Variants in PCED1B observed in about 807,000 individuals in gnomAD.
PCED1B encodes PC-esterase domain-containing protein 1B.
For missense variants in PCED1B, 573 were observed against 573.9 expected (o/e 1.00, Z 0.02); for synonymous variants, 251 against 246.1 (o/e 1.02, Z -0.19).
chr12:47,105,380 C>G (rs1053859255), intron 2 of PCED1B, among the ~76,000 whole-genome samples: 2 of 151,902 alleles, frequency 1.3e-5, no homozygotes, highest in African/African-American at 2.4e-5. Flanking sequence ...CAGACCAGTG[C>G]GGAAAGAAAG....
At chr12:47,187,331 G>T (rs373297061) in intron 2 of PCED1B, among the ~76,000 whole-genome samples, 2 of 152,126 alleles carry the variant, frequency 1.3e-5, no homozygotes, top group Admixed American at 6.5e-5. Flanking sequence ...TAGTGAAAAG[G>T]AAGCACCAGG....
intron 2 of PCED1B, among the ~76,000 whole-genome samples, chr12:47,187,309 G>A (rs1288922765): frequency 6.6e-6 from 1 of 152,122 alleles, no homozygotes; most frequent in Non-Finnish European, 1.5e-5. Context: ...ACCAAGAAAT[G>A]GGTGGTAAAT....
intron 1 of PCED1B, among the ~76,000 whole-genome samples, chr12:47,084,996 T>C (rs556658788): frequency 4.6e-5 from 7 of 152,210 alleles, no homozygotes; most frequent in Non-Finnish European, 1.5e-5. Context: ...TTACAAAAAT[T>C]AGCCAGGCAT....
intron 2 of PCED1B, among the ~76,000 whole-genome samples, chr12:47,166,835 T>C (rs1034178371): frequency 1.3e-5 from 2 of 152,144 alleles, no homozygotes; most frequent in African/African-American, 2.4e-5. Context: ...TTGGAGTCCA[T>C]GAATCAAACA....
chr12:47,175,869 G>C (rs1191697291), intron 2 of PCED1B, among the ~76,000 whole-genome samples: 4 of 151,706 alleles, frequency 2.6e-5, no homozygotes, highest in African/African-American at 7.3e-5. Context: ...ACTGTGCCCG[G>C]CCTATTTATT....
intron 2 of PCED1B, among the ~76,000 whole-genome samples, chr12:47,184,316 G>A (rs183307206): frequency 6.6e-6 from 1 of 152,152 alleles, no homozygotes; most frequent in Non-Finnish European, 1.5e-5. Context: ...GCTGGTAAAC[G>A]ACCAGCTGGG....
At chr12:47,219,285 A>G (rs1225310596) in intron 3 of PCED1B, among the ~76,000 whole-genome samples, 5 of 152,250 alleles carry the variant, frequency 3.3e-5, no homozygotes, top group Non-Finnish European at 5.9e-5. Context: ...ATCCCTTCAG[A>G]GGAGCATAGG....
chr12:47,115,875 C>A (rs1279594700), intron 2 of PCED1B, among the ~76,000 whole-genome samples: 1 of 152,176 alleles, frequency 6.6e-6, no homozygotes, highest in African/African-American at 2.4e-5. Context: ...ATGCCAGGCT[C>A]TGATCCAAAG....
chr12:47,131,491 C>G (rs1592178753), intron 2 of PCED1B, among the ~76,000 whole-genome samples: 1 of 152,230 alleles, frequency 6.6e-6, no homozygotes, highest in Non-Finnish European at 1.5e-5. Context: ...ACACCATTGT[C>G]CTTCATCAGT....
At chr12:47,213,442 A>G (rs1304837948) in intron 2 of PCED1B, among the ~76,000 whole-genome samples, 1 of 152,208 alleles carries the variant, frequency 6.6e-6, no homozygotes, top group Non-Finnish European at 1.5e-5. Context: ...TTAAACACAT[A>G]CACACACGAG....
chr12:47,127,369 CTTTTTTTTT>C (rs34788645), intron 2 of PCED1B, among the ~76,000 whole-genome samples: 1 of 128,874 alleles, frequency 7.8e-6, no homozygotes, highest in African/African-American at 2.9e-5. Flanking sequence ...TTTTTTATTT[CTTTTTTTTT>C]TTTTTTTTGA....
At chr12:47,115,194 C>A (rs575832864) in intron 2 of PCED1B, among the ~76,000 whole-genome samples, 1 of 152,212 alleles carries the variant, frequency 6.6e-6, no homozygotes, top group Non-Finnish European at 1.5e-5. Context: ...TTGAGTTAGG[C>A]CTAATTTTCA....
At chr12:47,186,324 G>A (rs1023616391) in intron 2 of PCED1B, among the ~76,000 whole-genome samples, 23 of 152,182 alleles carry the variant, frequency 1.5e-4, no homozygotes, top group African/African-American at 5.1e-4. Context: ...GAGCTTCTAG[G>A]GGCAGCAAAT....
intron 1 of PCED1B, among the ~76,000 whole-genome samples, chr12:47,089,461 CATATAT>C (rs1217283440): frequency 8.5e-4 from 54 of 63,412 alleles, no homozygotes; most frequent in African/African-American, 2.8e-3. Flanking sequence ...AAAAAAAATA[CATATAT>C]ATATATATAT....
chr12:47,121,457 T>C (rs1251444887), intron 2 of PCED1B, among the ~76,000 whole-genome samples: 1 of 152,264 alleles, frequency 6.6e-6, no homozygotes, highest in Non-Finnish European at 1.5e-5. Context: ...CTGAGTATTT[T>C]AATTAATTTA....
At chr12:47,165,265 A>G (rs1941508764) in intron 2 of PCED1B, among the ~76,000 whole-genome samples, 1 of 152,100 alleles carries the variant, frequency 6.6e-6, no homozygotes, top group African/African-American at 2.4e-5. Context: ...CAAAACATTT[A>G]CTCCATTTCC....
At chr12:47,090,687 T>C (rs1325062998) in intron 1 of PCED1B, among the ~76,000 whole-genome samples, 3 of 152,192 alleles carry the variant, frequency 2.0e-5, no homozygotes, top group Non-Finnish European at 4.4e-5. Context: ...ATACTTTGTA[T>C]AAATGGAATA....
chr12:47,162,121 TGGG>T (rs533931664), intron 2 of PCED1B, among the ~76,000 whole-genome samples: 1 of 111,302 alleles, frequency 9.0e-6, no homozygotes, highest in African/African-American at 3.4e-5. Context: ...TGTGGGGTGG[TGGG>T]GGGGGGAAGG....
intron 1 of PCED1B, among the ~76,000 whole-genome samples, chr12:47,095,071 A>ATT (rs34778482): frequency 1.4e-4 from 16 of 113,806 alleles, no homozygotes; most frequent in South Asian, 5.7e-4. Flanking sequence ...TGTGCCCACA[A>ATT]TTTTTTTTTT....
Sources: gnomAD v4.1 joint callset for allele counts (sites outside exome capture counted in the v4.1 genomes callset) on GRCh38, gnomAD v4.1.1 for gene constraint, MANE v1.5 for transcripts, NCBI Gene and HGNC (gene_info 2026-07-23, HGNC 2026-07-21) for gene names.